The following NRXN1 variants were observed in gnomAD, a reference collection of about 807,000 sequenced individuals.
NRXN1 encodes the protein neurexin-1.
In NRXN1, 39 loss-of-function variants were observed where a neutral mutation model predicts 150.9. The ratio of observed to expected loss-of-function variants is 0.26; its 90% CI spans 0.20 to 0.34. NRXN1 has a LOEUF of 0.34. Ranked by LOEUF, NRXN1 falls within the 10% of genes least tolerant of loss-of-function variation. The probability of loss-of-function intolerance (pLI) is 1.00; values close to 1 mark genes in which losing one functional copy is unlikely to be tolerated. For missense variants in NRXN1, 1,815 were observed against 1,949.9 expected, an observed-to-expected ratio of 0.93 and a Z score of 1.30; for synonymous variants, 924 against 757.0, an observed-to-expected ratio of 1.22 and a Z score of -3.62.
intron 8 of NRXN1, among the ~76,000 whole-genome samples, chr2:50,598,702 A>ATATACATATAT (rs1372931412): frequency 3.4e-5 from 5 of 146,760 alleles, no homozygotes; most frequent in Non-Finnish European, 7.4e-5. Flanking sequence ...ATCTATATAT[A>ATATACATATAT]TATACATATA....
chr2:50,684,034 C>G (rs1690866690), intron 5 of NRXN1, among the ~76,000 whole-genome samples: 1 of 151,898 alleles, frequency 6.6e-6, no homozygotes, highest in African/African-American at 2.4e-5. Context: ...TGGCAATTTT[C>G]TGTTCTTTTA....
intron 19 of NRXN1, among the ~76,000 whole-genome samples, chr2:50,078,599 G>A (rs556543924): frequency 1.3e-5 from 2 of 152,138 alleles, no homozygotes; most frequent in African/African-American, 4.8e-5. Flanking sequence ...AAACTGCCAT[G>A]TTTCCTTTGT....
rs139774321 is a variant in NRXN1, at chr2:50,557,942, G to T, written c.1321-4917C>A. The stretch of plus-strand genomic sequence containing the variant: ...CGTTGCAGTTGGATGTACACATCAG[G>T]CTTTCTCTGTAAAATTCCTTAACTA... On this transcript the variant is annotated intron_variant, in intron 8 of 22. Coordinates refer to ENST00000401669, the MANE Select transcript of NRXN1 (RefSeq NM_001330078.2). 4.4e-3 allele frequency among the ~76,000 whole-genome samples: 672 copies of T among 152,264 alleles called. 3 individuals carry two copies. Among genetic ancestry groups the T allele is most frequent in the African/African-American group, 0.015 (631 of 41,552 alleles).
chr2:51,007,087 T>C (rs1255898757), intron 2 of NRXN1, among the ~76,000 whole-genome samples: 3 of 151,982 alleles, frequency 2.0e-5, no homozygotes, highest in Non-Finnish European at 4.4e-5. Context: ...TTAAACATTT[T>C]TCTCTAGTGC....
At chr2:50,545,828 T>C (rs189734149) in intron 9 of NRXN1, among the ~76,000 whole-genome samples, 146 of 152,304 alleles carry the variant, frequency 9.6e-4, no homozygotes, top group Admixed American at 1.8e-3. Context: ...CTTGAGTTCC[T>C]GATACAAAAT....
intron 17 of NRXN1, among the ~76,000 whole-genome samples, chr2:50,258,188 C>A (rs972118951): frequency 6.6e-6 from 1 of 151,994 alleles, no homozygotes; most frequent in African/African-American, 2.4e-5. Context: ...AATGACTCTA[C>A]ACAAAAGTTT....
At chr2:50,927,512 G>A (rs940069473) in intron 2 of NRXN1, among the ~76,000 whole-genome samples, 1 of 151,938 alleles carries the variant, frequency 6.6e-6, no homozygotes, top group African/African-American at 2.4e-5. Flanking sequence ...ATTAAACAAG[G>A]AATTAGGCTG....
At chr2:50,152,352 C>A (rs2152773930) in intron 18 of NRXN1, among the ~76,000 whole-genome samples, 1 of 151,764 alleles carries the variant, frequency 6.6e-6, no homozygotes, top group South Asian at 2.1e-4. Context: ...AAGGTTCATC[C>A]ATGAACCCTG....
At chr2:50,546,934 C>T (rs1308093692) in intron 9 of NRXN1, among the ~76,000 whole-genome samples, 1 of 152,162 alleles carries the variant, frequency 6.6e-6, no homozygotes, top group Non-Finnish European at 1.5e-5. Context: ...AAGACCTAAG[C>T]AGAGAAATTG....
chr2:50,362,811 G>A (rs1558601191), intron 17 of NRXN1, among the ~76,000 whole-genome samples: 1 of 152,118 alleles, frequency 6.6e-6, no homozygotes, highest in Non-Finnish European at 1.5e-5. Flanking sequence ...AAAGAATAAA[G>A]CTAGAGGCAT....
intron 5 of NRXN1, among the ~76,000 whole-genome samples, chr2:50,745,671 A>G (rs1174694535): frequency 6.6e-6 from 1 of 152,088 alleles, no homozygotes; most frequent in Admixed American, 6.6e-5. Flanking sequence ...ACTTACAATC[A>G]TGGTCGAAGG....
chr2:50,521,688 GTATTTTATAGC>G (rs1253740318), intron 12 of NRXN1, among the ~76,000 whole-genome samples: 1 of 152,094 alleles, frequency 6.6e-6, no homozygotes. Flanking sequence ...ATTCTCATGG[GTATTTTATAGC>G]TAAACTGAAA....
Position 50,497,482 on chromosome 2 carries a change from C to T in NRXN1, c.2730G>A (p.Lys910=), listed in dbSNP as rs192909520. The stretch of plus-strand genomic sequence containing the variant: ...CTAAGGCAACATAGCTCGATTTGGT[C>T]TTGAAGGTGACAGGATCTGCTATGA... ...RNIIADPVTF[K]TKSSYVALAT... is the part of the protein sequence containing the mutation. Residue 910 remains lysine (K), a synonymous_variant, in exon 14 of 23, where the codon AAG becomes AAA. Transcript: ENST00000401669. 1.0e-4 allele frequency: 168 copies of T among 1,613,820 alleles called. No homozygotes were observed. In the East Asian group the frequency reaches 3.5e-3, roughly 34 times the overall value.
At chr2:50,411,696 G>A (rs935580994) in intron 17 of NRXN1, among the ~76,000 whole-genome samples, 4 of 40,822 alleles carry the variant, frequency 9.8e-5, no homozygotes, top group Admixed American at 8.3e-4. Flanking sequence ...CTGGGAGGTG[G>A]GGGGGCAGCC....
chr2:50,006,198 T>C (rs1213688798), intron 21 of NRXN1, among the ~76,000 whole-genome samples: 2 of 152,226 alleles, frequency 1.3e-5, no homozygotes, highest in Non-Finnish European at 2.9e-5. Context: ...TTCGGCAATG[T>C]TCCTCTTGCC....
intron 18 of NRXN1, among the ~76,000 whole-genome samples, chr2:50,153,914 T>C (rs1417095354): frequency 1.3e-5 from 2 of 151,688 alleles, no homozygotes; most frequent in African/African-American, 2.4e-5. Context: ...GTCTTATTTG[T>C]CCATCATGGC....
intron 2 of NRXN1, among the ~76,000 whole-genome samples, chr2:50,927,879 A>G (rs573347582): frequency 1.3e-5 from 2 of 150,854 alleles, no homozygotes; most frequent in Non-Finnish European, 3.0e-5. Context: ...AACTACAATT[A>G]AAAAAAAAGG....
In NRXN1 at chr2:51,026,983, G is replaced by C. The variant is rs145558948; in HGVS notation, c.772+519C>G. 3.8e-3 allele frequency among the ~76,000 whole-genome samples: 585 copies of C among 152,214 alleles called. 3 individuals are homozygous for C. Among genetic ancestry groups the C allele is most frequent in the African/African-American group, 0.014 (569 of 41,538 alleles). On this transcript the variant is annotated intron_variant, in intron 2 of 22. Coordinates refer to ENST00000401669, the MANE Select transcript of NRXN1 (RefSeq NM_001330078.2). Reference sequence around the variant, plus strand: ...ACTGCCCGTGAACCCTGTCTTTCTCGTCCTTTACCACGAGTGACCAGAACC... The same window carrying C: ...ACTGCCCGTGAACCCTGTCTTTCTCCTCCTTTACCACGAGTGACCAGAACC...
At chr2:50,412,891 C>T (rs1267918513) in intron 17 of NRXN1, among the ~76,000 whole-genome samples, 1 of 152,112 alleles carries the variant, frequency 6.6e-6, no homozygotes, top group South Asian at 2.1e-4. Flanking sequence ...TGCAGAAGAA[C>T]GAAGCTAGAC....
Sources: gnomAD v4.1 joint callset for allele counts (sites outside exome capture counted in the v4.1 genomes callset) on GRCh38, gnomAD v4.1.1 for gene constraint, MANE v1.5 for transcripts, NCBI Gene and HGNC (gene_info 2026-07-23, HGNC 2026-07-21) for gene names.